Variants in CAMTA1 observed in about 807,000 individuals in gnomAD.
CAMTA1 encodes the protein calmodulin binding transcription activator 1, also known as calmodulin-binding transcription activator 1.
CAMTA1 carries 27 observed loss-of-function variants against 170.9 expected under a neutral mutation model. That is an observed-to-expected ratio of 0.16 (90% CI 0.12 to 0.22). The LOEUF is 0.22. CAMTA1 is among the 10% of genes least tolerant of loss of function. The probability of loss-of-function intolerance (pLI) is 1.00; values close to 1 mark genes in which losing one functional copy is unlikely to be tolerated. For synonymous variants in CAMTA1, 833 were observed against 891.5 expected (o/e 0.93, Z 1.17); for missense variants, 1,619 against 2,217.2 (o/e 0.73, Z 5.42).
At chr1:7,457,686 G>A (rs1478225303) in intron 5 of CAMTA1, among the ~76,000 whole-genome samples, 1 of 152,202 alleles carries the variant, frequency 6.6e-6, no homozygotes, top group Middle Eastern at 3.2e-3. Flanking sequence ...GAGGCTGGGG[G>A]AGCCTCCAGC....
intron 3 of CAMTA1, among the ~76,000 whole-genome samples, chr1:7,083,711 G>C (rs1386523437): frequency 2.0e-5 from 3 of 152,182 alleles, no homozygotes; most frequent in Admixed American, 1.3e-4. Flanking sequence ...GCAGCGAGTG[G>C]TGGATTCTGG....
chr1:7,568,843 T>A (rs924168861), intron 6 of CAMTA1, among the ~76,000 whole-genome samples: 17 of 148,010 alleles, frequency 1.1e-4, no homozygotes, highest in African/African-American at 4.1e-4. Flanking sequence ...ACCATCATCA[T>A]CATCACCACA....
rs2092615202 is a variant in CAMTA1, at chr1:7,443,939, T to C, written c.439-23891T>C. Among the ~76,000 whole-genome samples the C allele has an allele frequency of 6.6e-6, 1 of 151,504 alleles. No homozygotes were observed. Among genetic ancestry groups the C allele is most frequent in the South Asian group, 2.1e-4 (1 of 4,718 alleles). On this transcript the variant is annotated intron_variant, in intron 5 of 22. Coordinates refer to ENST00000303635, the MANE Select transcript of CAMTA1 (RefSeq NM_015215.4). This position sits in a 1 kb window ranked among gnomAD's most constrained non-coding sequence, Gnocchi z 4.1. The stretch of plus-strand genomic sequence containing the variant: ...GACCAGGAAATGCCATCCCCAGTCT[T>C]GTTGGGCTCAGACATTGTGATCCGT...
Position 7,293,484 on chromosome 1 carries a change from C to T in CAMTA1, c.438+43858C>T, listed in dbSNP as rs1673459222. Among the ~76,000 whole-genome samples the T allele has an allele frequency of 6.6e-6, 1 of 152,172 alleles. No individual in the cohort carries two copies. The highest frequency in any genetic ancestry group is 2.1e-4 in the South Asian group (1 of 4,826). On this transcript the variant is annotated intron_variant, in intron 5 of 22. Transcript: ENST00000303635. This position sits in a 1 kb window ranked among gnomAD's most constrained non-coding sequence, Gnocchi z 4.1. ...CATGGGGTGTTGTGGGGCAGAGGCCCGGATGGCTCCATGATCCATGTGCAT... is the reference window on the plus strand; with the variant it reads ...CATGGGGTGTTGTGGGGCAGAGGCCTGGATGGCTCCATGATCCATGTGCAT...
intron 6 of CAMTA1, among the ~76,000 whole-genome samples, chr1:7,566,252 A>T (rs11120975): frequency 0.015 from 2,235 of 152,182 alleles, 48 homozygotes; most frequent in African/African-American, 0.05. Flanking sequence ...CCCTCTCTAG[A>T]CCTTTCTTTC....
Position 7,677,632 on chromosome 1 carries a change from C to T in CAMTA1, c.2813C>T (p.Ala938Val). ...HDTGLVTLQV[A>V]FNNQIISNSV... ...ACTGGTCTTGTGACCCTACAAGTTG[C>T]CTTCAACAACCAGATCATCTCCAAC... The change falls in exon 11 of 23, where the codon GCC becomes GTC. Residue 938 changes from alanine to valine, a missense_variant. Physicochemically the swap from Ala to Val is moderately conservative, Grantham distance 64. This residue lies in a region of CAMTA1 where 143 missense variants were observed against 184.2 expected (regional missense o/e 0.78). Coordinates refer to ENST00000303635, the MANE Select transcript of CAMTA1 (RefSeq NM_015215.4). The T allele has an allele frequency of 6.2e-7, 1 of 1,614,082 alleles. No homozygotes were observed.
chr1:7,042,096 G>A (rs1462965355), intron 3 of CAMTA1, among the ~76,000 whole-genome samples: 1 of 152,130 alleles, frequency 6.6e-6, no homozygotes, highest in Non-Finnish European at 1.5e-5. Context: ...TTTGTTCCAG[G>A]ATACCCTGTT....
chr1:7,195,003 C>T lies in CAMTA1; in HGVS notation c.303-54488C>T, dbSNP rs1052190697. On this transcript the variant is annotated intron_variant, in intron 4 of 22. Coordinates refer to ENST00000303635, the MANE Select transcript of CAMTA1 (RefSeq NM_015215.4). The surrounding 1 kb of genome is among the most constrained non-coding windows in gnomAD (Gnocchi z 4.1). ...ACGTGGAGCATCTCATGGACTAAAA[C>T]GTGGTAAATTGTCAAACTTCTCAGA... Among the ~76,000 whole-genome samples, 2 of 152,152 alleles carry T rather than the reference C, an allele frequency of 1.3e-5. No individual in the cohort carries two copies. Among genetic ancestry groups the T allele is most frequent in the African/African-American group, 2.4e-5 (1 of 41,426 alleles).
intron 5 of CAMTA1, among the ~76,000 whole-genome samples, chr1:7,433,914 G>A (rs1052610581): frequency 1.3e-5 from 2 of 152,116 alleles, no homozygotes; most frequent in Non-Finnish European, 2.9e-5. Context: ...CCACAAGCCA[G>A]CAGCACAGGA....
chr1:7,096,507 C>T (rs531612783), intron 4 of CAMTA1, among the ~76,000 whole-genome samples: 1 of 152,286 alleles, frequency 6.6e-6, no homozygotes, highest in East Asian at 1.9e-4. Context: ...CCCCTCCTTC[C>T]CTGACTCCCA....
rs1164393725 is a variant in CAMTA1 at position 7,455,182 on chromosome 1, G to A, written c.439-12648G>A. Among the ~76,000 whole-genome samples, 2 of 152,186 alleles carry A rather than the reference G, an allele frequency of 1.3e-5. No homozygotes were observed. The highest frequency in any genetic ancestry group is 6.5e-5 in the Admixed American group (1 of 15,286). The stretch of plus-strand genomic sequence containing the variant: ...CTAAGTCTGTTCCAGGACAAGACAT[G>A]CTGCCCATCCCTCCTGCTTCTCTAG... On this transcript the variant is annotated intron_variant, in intron 5 of 22. Transcript: ENST00000303635. This position sits in a 1 kb window ranked among gnomAD's most constrained non-coding sequence, Gnocchi z 5.0.
At chr1:7,199,623 C>A (rs1467691403) in intron 4 of CAMTA1, among the ~76,000 whole-genome samples, 3 of 152,130 alleles carry the variant, frequency 2.0e-5, no homozygotes, top group African/African-American at 7.2e-5. Flanking sequence ...TGGTCCTGTT[C>A]TCCAGGGAAC....
rs1436206701 is a variant in CAMTA1 at position 7,065,409 on chromosome 1, G to C, written c.235-25895G>C. On this transcript the variant is annotated intron_variant, in intron 3 of 22. Coordinates refer to ENST00000303635, the MANE Select transcript of CAMTA1 (RefSeq NM_015215.4). The surrounding 1 kb of genome is among the most constrained non-coding windows in gnomAD (Gnocchi z 5.2). ...AGTGGCCAGCGGGAAGTTTTGTAGT[G>C]AATATAGAGGAGACGAAAAAGAATG... Among the ~76,000 whole-genome samples, 1 of 152,152 alleles carries C rather than the reference G, an allele frequency of 6.6e-6. No homozygotes were observed. The highest frequency in any genetic ancestry group is 1.5e-5 in the Non-Finnish European group (1 of 68,030).
chr1:7,399,711 C>A (rs2089738220), intron 5 of CAMTA1, among the ~76,000 whole-genome samples: 2 of 152,162 alleles, frequency 1.3e-5, no homozygotes, highest in Non-Finnish European at 2.9e-5. Flanking sequence ...CAGACTATTT[C>A]TCCTTCATTT....
chr1:7,045,817 C>T lies in CAMTA1; in HGVS notation c.235-45487C>T, dbSNP rs369395269. ...GCTTGGAGTTAAGCACATCCTTCCT[C>T]GATACTAGTTCTCTCTTTCCATTAA... On this transcript the variant is annotated intron_variant, in intron 3 of 22. Coordinates refer to ENST00000303635, the MANE Select transcript of CAMTA1 (RefSeq NM_015215.4). Among the ~76,000 whole-genome samples, 24 of 152,276 alleles carry T rather than the reference C, an allele frequency of 1.6e-4. 1 individual carries two copies. The East Asian group carries it at 1.7e-3, about 11-fold the overall frequency.
At chr1:6,925,913 C>G (rs1041545044) in intron 3 of CAMTA1, among the ~76,000 whole-genome samples, 11 of 152,320 alleles carry the variant, frequency 7.2e-5, no homozygotes, top group South Asian at 2.1e-4. Context: ...GCCTCCTCCC[C>G]CTCCCGGCTC....
At chr1:6,951,933 C>T (rs930526978) in intron 3 of CAMTA1, among the ~76,000 whole-genome samples, 3 of 152,116 alleles carry the variant, frequency 2.0e-5, no homozygotes, top group Non-Finnish European at 2.9e-5. Flanking sequence ...TGAGGTGTTG[C>T]GTTCCGTCTC....
chr1:7,026,140 A>G (rs1336961335), intron 3 of CAMTA1, among the ~76,000 whole-genome samples: 1 of 151,966 alleles, frequency 6.6e-6, no homozygotes, highest in East Asian at 1.9e-4. Flanking sequence ...AAAAGAAACA[A>G]AAAGATTTGG....
At chr1:6,872,825 C>T (rs1668778671) in intron 3 of CAMTA1, among the ~76,000 whole-genome samples, 1 of 152,164 alleles carries the variant, frequency 6.6e-6, no homozygotes, top group Non-Finnish European at 1.5e-5. Flanking sequence ...GCACAGATTA[C>T]TTTTTAAGTG....
Sources: allele counts gnomAD v4.1 joint callset (sites outside exome capture counted in the v4.1 genomes callset), GRCh38; gene constraint gnomAD v4.1.1; regional missense constraint gnomAD v4.1.1; non-coding constraint Gnocchi (gnomAD v3.1); transcripts MANE v1.5; gene names NCBI Gene and HGNC (gene_info 2026-07-23, HGNC 2026-07-21).